KLHL32: variants seen among roughly 807,000 people sequenced by gnomAD.
The protein encoded by KLHL32 is kelch like family member 32.
In KLHL32, 35 loss-of-function variants were observed where a neutral mutation model predicts 64.8. The ratio of observed to expected loss-of-function variants is 0.54; its 90% confidence interval spans 0.41 to 0.72. The LOEUF (loss-of-function observed/expected upper bound fraction) is 0.72. KLHL32 is among the 30% of genes least tolerant of loss of function. KLHL32 has a pLI of 0.00. For synonymous variants in KLHL32, 259 were observed against 281.0 expected, an observed-to-expected ratio of 0.92 and a Z score of 0.78; for missense variants, 589 against 768.5, an observed-to-expected ratio of 0.77 and a Z score of 2.76.
chr6:97,028,554 A>G (rs569066780), intron 3 of KLHL32, among the ~76,000 whole-genome samples: 2 of 152,202 alleles, frequency 1.3e-5, no homozygotes, highest in African/African-American at 2.4e-5. Flanking sequence ...TCCTTTTTTC[A>G]TATTTTCTCT....
chr6:97,023,335 C>G lies in KLHL32; in HGVS notation c.205-18157C>G, dbSNP rs181805582. On this transcript the variant is annotated intron_variant, in intron 3 of 10. Coordinates refer to ENST00000369261, the MANE Select transcript of KLHL32 (RefSeq NM_052904.4). ...TTTTTCAGCATTGACAATCTATAAA[C>G]TATAAGCTGACAATCTATAAACTGA... 2.0e-5 allele frequency among the ~76,000 whole-genome samples: 3 copies of G among 152,302 alleles called. No homozygotes were observed. In the South Asian group the frequency reaches 6.2e-4, roughly 32 times the overall value.
chr6:97,049,382 A>C (rs1786467807), intron 4 of KLHL32, among the ~76,000 whole-genome samples: 1 of 152,154 alleles, frequency 6.6e-6, no homozygotes, highest in Non-Finnish European at 1.5e-5. Context: ...GAGCATCTAC[A>C]ATGAGGATAT....
intron 5 of KLHL32, among the ~76,000 whole-genome samples, chr6:97,081,192 C>A (rs1398896060): frequency 5.3e-5 from 8 of 152,082 alleles, no homozygotes; most frequent in Non-Finnish European, 1.0e-4. Flanking sequence ...GGACTAGAGT[C>A]TTTATAGTGG....
At chr6:97,084,726 C>T (rs1352229538) in intron 5 of KLHL32, among the ~76,000 whole-genome samples, 4 of 152,094 alleles carry the variant, frequency 2.6e-5, no homozygotes, top group Admixed American at 6.5e-5. Context: ...AATCATGAAT[C>T]GCCATTTACC....
intron 7 of KLHL32, among the ~76,000 whole-genome samples, chr6:97,125,852 T>C (rs1434512035): frequency 6.6e-6 from 1 of 152,182 alleles, no homozygotes; most frequent in Non-Finnish European, 1.5e-5. Flanking sequence ...ATGATTACAT[T>C]TCAAAGGGAT....
intron 10 of KLHL32, among the ~76,000 whole-genome samples, chr6:97,133,102 C>T (rs1277587072): frequency 1.3e-5 from 2 of 152,232 alleles, no homozygotes; most frequent in East Asian, 1.9e-4. Context: ...TTCCTTTCCA[C>T]ACCATTGCCT....
At chr6:96,941,806 C>T (rs902513907) in intron 1 of KLHL32, among the ~76,000 whole-genome samples, 1 of 152,012 alleles carries the variant, frequency 6.6e-6, no homozygotes, top group Non-Finnish European at 1.5e-5. Flanking sequence ...TGAGAAGACC[C>T]CCAAGAACAA....
intron 1 of KLHL32, among the ~76,000 whole-genome samples, chr6:96,936,304 A>C (rs1770592978): frequency 6.6e-6 from 1 of 152,244 alleles, no homozygotes; most frequent in South Asian, 2.1e-4. Flanking sequence ...TATTGGAAGG[A>C]AACCTACCTT....
At chr6:96,979,718 G>C (rs774323014) in intron 3 of KLHL32, among the ~76,000 whole-genome samples, 11 of 152,148 alleles carry the variant, frequency 7.2e-5, no homozygotes, top group Non-Finnish European at 1.3e-4. Flanking sequence ...TAGTTTGATA[G>C]GAATAACATT....
At chr6:97,073,672 T>C (rs1394365925) in intron 5 of KLHL32, among the ~76,000 whole-genome samples, 1 of 152,140 alleles carries the variant, frequency 6.6e-6, no homozygotes, top group African/African-American at 2.4e-5. Flanking sequence ...ACTTTGATTA[T>C]AAAGTTGCAT....
At chr6:97,102,922 T>A (rs1362267933) in intron 6 of KLHL32, among the ~76,000 whole-genome samples, 5 of 152,118 alleles carry the variant, frequency 3.3e-5, no homozygotes, top group African/African-American at 1.2e-4. Context: ...TTGTACAGAT[T>A]ATTTCATCAC....
At chr6:97,039,782 T>G (rs1206808927) in intron 3 of KLHL32, among the ~76,000 whole-genome samples, 1 of 151,740 alleles carries the variant, frequency 6.6e-6, no homozygotes, top group Non-Finnish European at 1.5e-5. Flanking sequence ...ATTGTGCCAC[T>G]GCACTCCAGC....
chr6:97,007,605 G>A (rs541614463), intron 3 of KLHL32, among the ~76,000 whole-genome samples: 2 of 152,216 alleles, frequency 1.3e-5, no homozygotes, highest in African/African-American at 2.4e-5. Context: ...TTTCTCATGT[G>A]TATGGGCTGA....
Position 97,130,685 on chromosome 6 carries a change from T to C in KLHL32, c.1414-72T>C. The C allele has an allele frequency of 2.5e-6, 3 of 1,196,052 alleles. No individual in the cohort carries two copies. In the South Asian group the frequency reaches 4.6e-5, roughly 18 times the overall value. The allele number at this position is 1,196,052 out of a possible 1,614,324, so 74.1% of individuals were successfully genotyped here. A position where few individuals can be genotyped will look rare whatever the true frequency, so the allele number is the denominator to read the frequency against. On this transcript the variant is annotated intron_variant, in intron 8 of 10. Transcript: ENST00000369261. ...TAAACATTAGGGTTCTCACTACTTA[T>C]GAGGCACTCGTTGCTGTTTTCTGAC...
intron 3 of KLHL32, among the ~76,000 whole-genome samples, chr6:96,977,625 G>A (rs1302033475): frequency 6.6e-6 from 1 of 151,984 alleles, no homozygotes. Flanking sequence ...CACCAACTTA[G>A]GCCCATGAGC....
intron 3 of KLHL32, among the ~76,000 whole-genome samples, chr6:96,977,708 C>T (rs1176238073): frequency 6.6e-6 from 1 of 152,110 alleles, no homozygotes; most frequent in Non-Finnish European, 1.5e-5. Context: ...ATCAACTGCA[C>T]TTAATTGCCA....
At chr6:97,044,267 C>T (rs571515813) in intron 4 of KLHL32, among the ~76,000 whole-genome samples, 1 of 152,136 alleles carries the variant, frequency 6.6e-6, no homozygotes, top group African/African-American at 2.4e-5. Context: ...TGTTATCTGT[C>T]ATTCTGTTAA....
chr6:97,028,418 A>C (rs991442518), intron 3 of KLHL32, among the ~76,000 whole-genome samples: 1 of 152,220 alleles, frequency 6.6e-6, no homozygotes, highest in Admixed American at 6.5e-5. Flanking sequence ...CTGGTCTTAG[A>C]GAATTCTCCC....
intron 1 of KLHL32, among the ~76,000 whole-genome samples, chr6:96,949,445 C>T (rs148073516): frequency 1.3e-5 from 2 of 152,102 alleles, no homozygotes; most frequent in African/African-American, 4.8e-5. Flanking sequence ...ATGTTGCCAC[C>T]ATCTACCCCG....
Sources: gnomAD v4.1 joint callset for allele counts (sites outside exome capture counted in the v4.1 genomes callset) on GRCh38, gnomAD v4.1.1 for gene constraint, MANE v1.5 for transcripts, NCBI Gene and HGNC (gene_info 2026-07-23, HGNC 2026-07-21) for gene names.